Variants in ZNF385D observed in about 807,000 individuals in gnomAD.
ZNF385D encodes zinc finger protein 659.
A neutral mutation model predicts 35.8 loss-of-function variants in ZNF385D; 15 were observed. The ratio of observed to expected loss-of-function variants is 0.42; its 90% CI spans 0.28 to 0.64. ZNF385D has a LOEUF of 0.64. Among genes scored for constraint, ZNF385D ranks in the 30% least tolerant of loss-of-function variants. The pLI, the probability that ZNF385D is intolerant of heterozygous loss-of-function variation, is 0.23. For synonymous variants in ZNF385D, 212 were observed against 186.8 expected (o/e 1.13, Z -1.10); for missense variants, 474 against 494.6 (o/e 0.96, Z 0.39).
chr3:21,497,627 T>C (rs1308943403), intron 4 of ZNF385D, among the ~76,000 whole-genome samples: 1 of 152,070 alleles, frequency 6.6e-6, no homozygotes, highest in African/African-American at 2.4e-5. Context: ...GGCAGATAAT[T>C]CACTTGAGGC....
intron 3 of ZNF385D, among the ~76,000 whole-genome samples, chr3:22,041,469 A>G (rs1698658123): frequency 6.6e-6 from 1 of 152,180 alleles, no homozygotes; most frequent in African/African-American, 2.4e-5. Context: ...CACAATTAAA[A>G]TGCTTATCGA....
At chr3:21,994,779 T>A (rs542712184) in intron 3 of ZNF385D, among the ~76,000 whole-genome samples, 1 of 152,146 alleles carries the variant, frequency 6.6e-6, no homozygotes. Context: ...GGTAGTGTAG[T>A]CTCAGTATGA....
intron 1 of ZNF385D, among the ~76,000 whole-genome samples, chr3:21,681,801 CT>C (rs1282690107): frequency 7.4e-6 from 1 of 134,758 alleles, no homozygotes; most frequent in Non-Finnish European, 1.6e-5. Flanking sequence ...GTAAATCAAA[CT>C]TAATGTGATG....
intron 4 of ZNF385D, among the ~76,000 whole-genome samples, chr3:21,470,992 A>C (rs899755060): frequency 2.0e-5 from 3 of 152,146 alleles, no homozygotes; most frequent in African/African-American, 7.2e-5. Flanking sequence ...CTTAAAGGGA[A>C]TATAGACTAA....
intron 3 of ZNF385D, among the ~76,000 whole-genome samples, chr3:21,836,421 G>A (rs1695334373): frequency 6.6e-6 from 1 of 152,076 alleles, no homozygotes; most frequent in Non-Finnish European, 1.5e-5. Context: ...TATGAAGACT[G>A]TGAGAGTGAG....
At chr3:21,755,384 A>G (rs1027625962), upstream of ZNF385D, among the ~76,000 whole-genome samples, 3 of 152,166 alleles carry the variant, frequency 2.0e-5, no homozygotes, top group African/African-American at 7.2e-5. Flanking sequence ...TTCGACAACC[A>G]AGTCCCTATT....
At chr3:22,332,229 C>A (rs1694971892) in intron 2 of ZNF385D, among the ~76,000 whole-genome samples, 1 of 152,106 alleles carries the variant, frequency 6.6e-6, no homozygotes, top group Admixed American at 6.6e-5. Context: ...TATAAGTTCA[C>A]TCAACGGCTA....
intron 3 of ZNF385D, among the ~76,000 whole-genome samples, chr3:21,764,257 G>C (rs2070738320): frequency 6.6e-6 from 1 of 152,108 alleles, no homozygotes; most frequent in South Asian, 2.1e-4. Context: ...TGCTCAATAA[G>C]GAAAGGCAGG....
At chr3:21,651,951 G>A (rs1348208141) in intron 2 of ZNF385D, among the ~76,000 whole-genome samples, 1 of 152,106 alleles carries the variant, frequency 6.6e-6, no homozygotes, top group Non-Finnish European at 1.5e-5. Context: ...ATTTGTCCAA[G>A]ACTAAAATAC....
chr3:21,728,743 T>C (rs1274222769), intron 1 of ZNF385D, among the ~76,000 whole-genome samples: 1 of 152,194 alleles, frequency 6.6e-6, no homozygotes, highest in Non-Finnish European at 1.5e-5. Flanking sequence ...GTCGTTCAAA[T>C]CTTGGTTCAA....
chr3:21,831,813 C>T (rs1055329607), intron 3 of ZNF385D, among the ~76,000 whole-genome samples: 1 of 152,100 alleles, frequency 6.6e-6, no homozygotes, highest in Non-Finnish European at 1.5e-5. Context: ...TATTTTGTTA[C>T]CCTGTATTTT....
chr3:21,430,917 T>C (rs867565651), intron 5 of ZNF385D: 2 of 152,196 alleles, frequency 1.3e-5, no homozygotes, highest in Admixed American at 6.5e-5. Flanking sequence ...AAACAGTGCT[T>C]TTGTTTGCAT....
chr3:22,204,107 C>T (rs1609176), intron 2 of ZNF385D, among the ~76,000 whole-genome samples: 21,060 of 152,030 alleles, frequency 0.14, 1,631 homozygotes, highest in Middle Eastern at 0.24. Flanking sequence ...GCTTCTTACA[C>T]GACTTCCCCA....
At chr3:21,571,511 G>T (rs916357804) in intron 2 of ZNF385D, among the ~76,000 whole-genome samples, 1 of 152,080 alleles carries the variant, frequency 6.6e-6, no homozygotes, top group Non-Finnish European at 1.5e-5. Context: ...ATAAACTTTG[G>T]TAGGCATGGC....
intron 2 of ZNF385D, among the ~76,000 whole-genome samples, chr3:22,174,157 A>G (rs1211926568): frequency 6.6e-6 from 1 of 152,176 alleles, no homozygotes; most frequent in East Asian, 1.9e-4. Context: ...TATAAAATGA[A>G]AGTATGTAAA....
In ZNF385D at chr3:21,974,734, C is replaced by A. The variant is rs61319094; in HGVS notation, c.325+194083G>T. The stretch of plus-strand genomic sequence containing the variant: ...TCAGACAACTCAATAAGAAAAAAAA[C>A]CAATCCAATTTAAAATGGCAAAAGA... On this transcript the variant is annotated intron_variant, in intron 3 of 5. Coordinates refer to the ZNF385D transcript ENST00000494108. Among the ~76,000 whole-genome samples the A allele has an allele frequency of 2.8e-3, 425 of 151,910 alleles. 2 individuals are homozygous for A. Among genetic ancestry groups the A allele is most frequent in the African/African-American group, 9.0e-3 (373 of 41,468 alleles).
intron 2 of ZNF385D, among the ~76,000 whole-genome samples, chr3:22,281,674 T>G (rs920264077): frequency 6.6e-6 from 1 of 151,982 alleles, no homozygotes; most frequent in South Asian, 2.1e-4. Context: ...TGCATCTATG[T>G]TCATCAGGAA....
chr3:21,566,721 C>T (rs866601522), intron 2 of ZNF385D, among the ~76,000 whole-genome samples: 3 of 152,166 alleles, frequency 2.0e-5, no homozygotes, highest in Middle Eastern at 3.4e-3. Context: ...AATTTACATA[C>T]AATAAAAATC....
intron 3 of ZNF385D, among the ~76,000 whole-genome samples, chr3:21,823,336 A>T (rs1234908901): frequency 6.6e-6 from 1 of 152,074 alleles, no homozygotes; most frequent in African/African-American, 2.4e-5. Flanking sequence ...TATGATAATT[A>T]TTTGGGTTTT....
Sources: gnomAD v4.1 joint callset for allele counts (sites outside exome capture counted in the v4.1 genomes callset) on GRCh38, gnomAD v4.1.1 for gene constraint, MANE v1.5 for transcripts, NCBI Gene and HGNC (gene_info 2026-07-23, HGNC 2026-07-21) for gene names.